Variants in CDC14A observed in about 807,000 individuals in gnomAD.
CDC14A encodes dual specificity protein phosphatase CDC14A.
A neutral mutation model predicts 74.4 loss-of-function variants in CDC14A; 53 were observed. The ratio of observed to expected loss-of-function variants is 0.71; its 90% CI spans 0.57 to 0.89. CDC14A has a LOEUF of 0.89. Ranked by LOEUF, CDC14A falls within the 40% of genes least tolerant of loss-of-function variation. CDC14A has a pLI of 0.00. For synonymous variants in CDC14A, 247 were observed against 258.4 expected, an observed-to-expected ratio of 0.96 and a Z score of 0.43; for missense variants, 646 against 713.7, an observed-to-expected ratio of 0.91 and a Z score of 1.08.
At chr1:100,433,913 C>T (rs1001316683) in intron 5 of CDC14A, among the ~76,000 whole-genome samples, 1 of 152,168 alleles carries the variant, frequency 6.6e-6, no homozygotes, top group Non-Finnish European at 1.5e-5. Context: ...TAACAGTTCA[C>T]TCTTGAGAGC....
At chr1:100,429,756 T>TTA (rs967996796) in intron 5 of CDC14A, among the ~76,000 whole-genome samples, 67 of 147,182 alleles carry the variant, frequency 4.6e-4, no homozygotes, top group African/African-American at 1.5e-3. Context: ...TATATATATA[T>TTA]TATATATATA....
intron 9 of CDC14A, among the ~76,000 whole-genome samples, chr1:100,464,865 G>A (rs1667637456): frequency 6.7e-6 from 1 of 149,804 alleles, no homozygotes; most frequent in Non-Finnish European, 1.5e-5. Flanking sequence ...ACCTGTGAAT[G>A]TTTACCTTTT....
At chr1:100,468,572 A>G (rs1483809030) in intron 10 of CDC14A, among the ~76,000 whole-genome samples, 1 of 152,246 alleles carries the variant, frequency 6.6e-6, no homozygotes, top group African/African-American at 2.4e-5. Flanking sequence ...ACCACAGAAG[A>G]AAAAAGGAGG....
chr1:100,351,821 G>T, upstream of CDC14A: 1 of 1,546,212 alleles, frequency 6.5e-7, no homozygotes, highest in South Asian at 1.2e-5. Flanking sequence ...ATGTGTAGAG[G>T]AAACCAATAC....
chr1:100,447,018 T>A (rs538018751), intron 7 of CDC14A, among the ~76,000 whole-genome samples: 2 of 152,182 alleles, frequency 1.3e-5, no homozygotes, highest in Non-Finnish European at 2.9e-5. Flanking sequence ...CAGTTTATAC[T>A]ATAGCATATC....
chr1:100,393,578 G>A, intron 4 of CDC14A: 1 of 719,442 alleles, frequency 1.4e-6, no homozygotes, highest in Non-Finnish European at 2.6e-6. Context: ...TAGTAGGTTG[G>A]TATCTGCGAG....
At chr1:100,452,109 C>T (rs1362198179) in intron 7 of CDC14A, among the ~76,000 whole-genome samples, 1 of 152,176 alleles carries the variant, frequency 6.6e-6, no homozygotes, top group Non-Finnish European at 1.5e-5. Flanking sequence ...TCTTTTCTAT[C>T]TTATTGTAGG....
intron 12 of CDC14A, 152 bp from the exon 13 acceptor site, chr1:100,495,850 C>A: frequency 3.3e-6 from 2 of 604,798 alleles, no homozygotes; most frequent in Non-Finnish European, 5.9e-6. Context: ...GATAGCAAGC[C>A]TGGTTCTGGG....
At chr1:100,427,236 C>T (rs1014698720) in intron 5 of CDC14A, among the ~76,000 whole-genome samples, 2 of 151,964 alleles carry the variant, frequency 1.3e-5, no homozygotes, top group African/African-American at 4.8e-5. Context: ...AATGAGAAGC[C>T]TTAAAGGAAT....
intron 10 of CDC14A, among the ~76,000 whole-genome samples, chr1:100,471,676 C>G (rs1249946234): frequency 6.6e-6 from 1 of 152,012 alleles, no homozygotes; most frequent in Non-Finnish European, 1.5e-5. Context: ...ATATAAAGTG[C>G]AGAAACAAAT....
chr1:100,482,474 CA>C (rs1669582902), intron 10 of CDC14A, among the ~76,000 whole-genome samples: 1 of 152,094 alleles, frequency 6.6e-6, no homozygotes, highest in East Asian at 1.9e-4. Context: ...CTCATCTTTC[CA>C]GATACTTCTG....
chr1:100,476,239 G>A (rs1489590720), intron 10 of CDC14A, among the ~76,000 whole-genome samples: 4 of 152,154 alleles, frequency 2.6e-5, no homozygotes, highest in South Asian at 4.1e-4. Flanking sequence ...GATCGCATGA[G>A]GTCAAGAGTT....
intron 7 of CDC14A, among the ~76,000 whole-genome samples, chr1:100,447,606 T>C (rs1665702518): frequency 6.6e-6 from 1 of 152,240 alleles, no homozygotes; most frequent in South Asian, 2.1e-4. Flanking sequence ...ATTTCAAATC[T>C]AGTTCAGAAA....
chr1:100,512,538 G>T lies in CDC14A; in HGVS notation c.1756-5713G>T, dbSNP rs562148600. ...ACTGAGTTTGCATCAATATAATTTT[G>T]GTGTTCAGATGAACTGAAAACACTC... On this transcript the variant is annotated intron_variant, in intron 15 of 15. Coordinates refer to ENST00000336454, the MANE Select transcript of CDC14A (RefSeq NM_003672.4). Among the ~76,000 whole-genome samples the T allele has an allele frequency of 1.2e-4, 19 of 152,112 alleles. 1 individual carries two copies. Among genetic ancestry groups the T allele is most frequent in the Non-Finnish European group, 2.1e-4 (14 of 67,998 alleles).
intron 15 of CDC14A, among the ~76,000 whole-genome samples, chr1:100,502,566 T>TG (rs1648857430): frequency 6.6e-6 from 1 of 152,258 alleles, no homozygotes; most frequent in African/African-American, 2.4e-5. Context: ...GAATGTATCT[T>TG]TGTCATTAAG....
At chr1:100,416,949 GC>G (rs144315721) in intron 4 of CDC14A, among the ~76,000 whole-genome samples, 3,007 of 152,214 alleles carry the variant, frequency 0.02, 107 homozygotes, top group African/African-American at 0.069. Context: ...CACTATTTGT[GC>G]AATCGTCCAT....
At position 100,352,711 on chromosome 1, in the gene CDC14A, G is replaced by C; in HGVS notation, c.-244G>C. 4 of 1,366,352 alleles carry C rather than the reference G, an allele frequency of 2.9e-6. No homozygotes were observed. The highest frequency in any genetic ancestry group is 3.8e-6 in the Non-Finnish European group (4 of 1,064,114). The allele number at this position is 1,366,352 out of a possible 1,614,324, so 84.6% of individuals were successfully genotyped here. A position where few individuals can be genotyped will look rare whatever the true frequency, so the allele number is the denominator to read the frequency against. ...GCAGCAGCCGAGTCCAAATAGGAGC[G>C]GCCACAGCCAGGGGCGTGAGCGCCC... On this transcript the variant is annotated 5_prime_UTR_variant, in exon 1 of 16. Transcript: ENST00000336454.
intron 11 of CDC14A, chr1:100,485,306 T>C: frequency 1.0e-6 from 1 of 985,226 alleles, no homozygotes; most frequent in South Asian, 4.7e-5. Flanking sequence ...AGTTTAGGTC[T>C]TTCTACCACG....
At chr1:100,397,162 A>G (rs1172416415) in intron 4 of CDC14A, among the ~76,000 whole-genome samples, 1 of 152,074 alleles carries the variant, frequency 6.6e-6, no homozygotes, top group Admixed American at 6.5e-5. Flanking sequence ...ATAGACCATC[A>G]TGTTCAGTGA....
Sources: gnomAD v4.1 joint callset for allele counts (sites outside exome capture counted in the v4.1 genomes callset) on GRCh38, gnomAD v4.1.1 for gene constraint, MANE v1.5 for transcripts, NCBI Gene and HGNC (gene_info 2026-07-23, HGNC 2026-07-21) for gene names.